Variants in IGF2BP3 observed in about 807,000 individuals in gnomAD.
IGF2BP3 encodes the protein insulin like growth factor 2 mRNA binding protein 3, also known as insulin-like growth factor 2 mRNA-binding protein 3.
A neutral mutation model predicts 73.8 loss-of-function variants in IGF2BP3; 9 were observed. The ratio of observed to expected loss-of-function variants is 0.12; its 90% CI spans 0.07 to 0.21. The LOEUF is 0.21. Among genes scored for constraint, IGF2BP3 ranks in the 10% least tolerant of loss-of-function variants. The probability of loss-of-function intolerance (pLI) is 1.00; values close to 1 mark genes in which losing one functional copy is unlikely to be tolerated. For missense variants in IGF2BP3, 542 were observed against 714.0 expected, an observed-to-expected ratio of 0.76 and a Z score of 2.75; for synonymous variants, 258 against 256.7, an observed-to-expected ratio of 1.01 and a Z score of -0.05.
chr7:23,464,476 A>G (rs1404568446), intron 2 of IGF2BP3, among the ~76,000 whole-genome samples: 1 of 152,150 alleles, frequency 6.6e-6, no homozygotes, highest in Non-Finnish European at 1.5e-5. Context: ...AAGGAAACAA[A>G]CAAAAAACAA....
Position 23,311,227 on chromosome 7 carries a change from C to A in IGF2BP3, c.*1135G>T, listed in dbSNP as rs1043457523. 2.6e-5 allele frequency: 4 copies of A among 152,322 alleles called. No individual in the cohort carries two copies. Among genetic ancestry groups the A allele is most frequent in the Non-Finnish European group, 5.9e-5 (4 of 68,006 alleles). The allele number at this position is 152,322 out of a possible 1,614,324, so 9.4% of individuals were successfully genotyped here. Reference sequence around the variant, plus strand: ...CTTTTGTTGCGTTTAAACACTGTCACACCATCTATGACTGTCCCATTGGTC... The same window carrying A: ...CTTTTGTTGCGTTTAAACACTGTCAAACCATCTATGACTGTCCCATTGGTC... On this transcript the variant is annotated 3_prime_UTR_variant, in exon 15 of 15. Transcript: ENST00000258729.
intron 2 of IGF2BP3, among the ~76,000 whole-genome samples, chr7:23,463,270 G>A (rs931290097): frequency 4.6e-5 from 7 of 152,224 alleles, no homozygotes; most frequent in African/African-American, 1.7e-4. Flanking sequence ...TCAAATACAT[G>A]AAGGTAGTTT....
At chr7:23,460,008 C>G (rs34677598) in intron 2 of IGF2BP3, among the ~76,000 whole-genome samples, 15 of 150,178 alleles carry the variant, frequency 1.0e-4, no homozygotes, top group Non-Finnish European at 1.5e-4. Flanking sequence ...GTGGGAGGAC[C>G]GCTTGAGCCA....
chr7:23,439,190 C>T (rs9638806), intron 2 of IGF2BP3, among the ~76,000 whole-genome samples: 50 of 152,132 alleles, frequency 3.3e-4, no homozygotes, highest in South Asian at 1.2e-3. Flanking sequence ...CTGCAATGAG[C>T]TATGATACCA....
chr7:23,411,257 T>C (rs1470588572), intron 3 of IGF2BP3, among the ~76,000 whole-genome samples: 3 of 152,238 alleles, frequency 2.0e-5, no homozygotes, highest in African/African-American at 7.2e-5. Context: ...AAGCACCTCA[T>C]GGTGTTAGCT....
At chr7:23,442,186 C>T (rs373266727) in intron 2 of IGF2BP3, among the ~76,000 whole-genome samples, 1 of 152,158 alleles carries the variant, frequency 6.6e-6, no homozygotes, top group African/African-American at 2.4e-5. Context: ...TAATGCTTTT[C>T]TGTCTCCCTA....
intron 2 of IGF2BP3, among the ~76,000 whole-genome samples, chr7:23,433,402 G>A (rs895699801): frequency 6.6e-6 from 1 of 151,534 alleles, no homozygotes; most frequent in Admixed American, 6.6e-5. Flanking sequence ...AGATGTTGAA[G>A]ATTCAATACC....
At chr7:23,385,475 G>A (rs193281899) in intron 3 of IGF2BP3, among the ~76,000 whole-genome samples, 53 of 152,212 alleles carry the variant, frequency 3.5e-4, no homozygotes, top group Non-Finnish European at 6.6e-4. Context: ...AAAATTTAAG[G>A]TTGAGATCAC....
chr7:23,405,641 C>A (rs1786804325), intron 3 of IGF2BP3, among the ~76,000 whole-genome samples: 1 of 152,152 alleles, frequency 6.6e-6, no homozygotes, highest in African/African-American at 2.4e-5. Context: ...CATGGAAGTG[C>A]GTACCCTATT....
intron 2 of IGF2BP3, among the ~76,000 whole-genome samples, chr7:23,442,815 A>G (rs921115895): frequency 1.3e-5 from 2 of 152,158 alleles, no homozygotes; most frequent in Non-Finnish European, 2.9e-5. Flanking sequence ...TATTCATTTT[A>G]CATGTTTTGA....
intron 10 of IGF2BP3, among the ~76,000 whole-genome samples, chr7:23,336,338 G>C (rs533324005): frequency 2.6e-5 from 4 of 152,044 alleles, no homozygotes; most frequent in African/African-American, 9.7e-5. Flanking sequence ...TAGCTTCAAA[G>C]GAACAGCAAG....
intron 3 of IGF2BP3, among the ~76,000 whole-genome samples, chr7:23,372,066 G>T (rs953073916): frequency 6.6e-6 from 1 of 151,664 alleles, no homozygotes; most frequent in African/African-American, 2.4e-5. Flanking sequence ...TTGGTTACAT[G>T]AATAAGTTTT....
chr7:23,429,784 T>C (rs932839989), intron 2 of IGF2BP3, among the ~76,000 whole-genome samples: 1 of 152,156 alleles, frequency 6.6e-6, no homozygotes, highest in African/African-American at 2.4e-5. Flanking sequence ...ATTATATACA[T>C]AGGCACCTCA....
rs1784863435 is a variant in IGF2BP3 at position 23,347,720 on chromosome 7, C to T, written c.698G>A (p.Arg233His). The T allele has an allele frequency of 5.0e-6, 8 of 1,613,854 alleles. No individual in the cohort carries two copies. Among genetic ancestry groups the T allele is most frequent in the East Asian group, 2.2e-5 (1 of 44,864 alleles). ...CTCAGCAGCCCCCGCATTTTCTTTA[C>T]GGTGGACATCGATTCTGATAGTGGG... ...KQTQSKIDVH[R>H]KENAGAAEKS... The change falls in exon 7 of 15, where the codon CGT (arginine) becomes CAT (histidine). Residue 233 changes from arginine (R) to histidine (H), a missense_variant. By Grantham distance (29) the Arg-to-His change is conservative. Around this residue, in one of 2 missense-constraint regions of IGF2BP3, gnomAD observed 303 missense variants for 472.1 expected, o/e 0.64. Transcript: ENST00000258729.
chr7:23,369,995 T>C (rs934706023), intron 3 of IGF2BP3, among the ~76,000 whole-genome samples: 1 of 152,218 alleles, frequency 6.6e-6, no homozygotes, highest in Admixed American at 6.5e-5. Context: ...TATATCCTCC[T>C]GCCAGCAGTT....
At chr7:23,406,284 A>G (rs1786828240) in intron 3 of IGF2BP3, among the ~76,000 whole-genome samples, 1 of 152,138 alleles carries the variant, frequency 6.6e-6, no homozygotes, top group East Asian at 1.9e-4. Flanking sequence ...CAAGGTATCT[A>G]AGGTCCTTGC....
At chr7:23,345,017 T>G (rs1583912924) in intron 8 of IGF2BP3, among the ~76,000 whole-genome samples, 1 of 152,222 alleles carries the variant, frequency 6.6e-6, no homozygotes, top group African/African-American at 2.4e-5. Context: ...ACTTATTGAA[T>G]TTACCACTTT....
intron 3 of IGF2BP3, among the ~76,000 whole-genome samples, chr7:23,403,803 G>A (rs991329007): frequency 6.6e-6 from 1 of 151,934 alleles, no homozygotes; most frequent in East Asian, 1.9e-4. Flanking sequence ...TTGGCTCTAA[G>A]AATATAACAA....
chr7:23,380,508 T>C (rs1785876222), intron 3 of IGF2BP3, among the ~76,000 whole-genome samples: 1 of 151,978 alleles, frequency 6.6e-6, no homozygotes, highest in South Asian at 2.1e-4. Flanking sequence ...TCCATGCAAT[T>C]TAATATGGTT....
Sources: allele counts gnomAD v4.1 joint callset (sites outside exome capture counted in the v4.1 genomes callset), GRCh38; gene constraint gnomAD v4.1.1; regional missense constraint gnomAD v4.1.1; transcripts MANE v1.5; gene names NCBI Gene and HGNC (gene_info 2026-07-23, HGNC 2026-07-21).